The following AHCTF1 variants were observed in gnomAD, a reference collection of about 807,000 sequenced individuals.
AHCTF1 encodes protein ELYS.
In AHCTF1, 24 loss-of-function variants were observed where a neutral mutation model predicts 248.4. That is an observed-to-expected ratio of 0.10 (90% CI 0.07 to 0.14). AHCTF1 has a LOEUF of 0.14. Among genes scored for constraint, AHCTF1 ranks in the 10% least tolerant of loss-of-function variants. AHCTF1 has a pLI of 1.00. For missense variants in AHCTF1, 2,206 were observed against 2,636.2 expected, an observed-to-expected ratio of 0.84 and a Z score of 3.57; for synonymous variants, 786 against 929.8, an observed-to-expected ratio of 0.85 and a Z score of 2.81.
intron 24 of AHCTF1, among the ~76,000 whole-genome samples, chr1:246,872,536 C>T (rs931884611): frequency 2.0e-5 from 3 of 152,176 alleles, no homozygotes; most frequent in African/African-American, 7.2e-5. Context: ...TACAAAGTTA[C>T]TTAGGGGGTG....
At chr1:246,900,532 A>G in intron 8 of AHCTF1, 63 bp from the exon 9 acceptor site, 1 of 1,488,364 alleles carries the variant, frequency 6.7e-7, no homozygotes, top group South Asian at 1.3e-5. Flanking sequence ...TCACCTCAAC[A>G]GAATTATAGC....
chr1:246,898,407 T>G, intron 11 of AHCTF1, 71 bp from the exon 12 acceptor site: 1 of 1,446,246 alleles, frequency 6.9e-7, no homozygotes, highest in Non-Finnish European at 9.4e-7. Flanking sequence ...ATTAATTAAT[T>G]ACACTTAAAA....
Position 246,840,984 on chromosome 1 carries a change from T to C in AHCTF1, c.6623A>G (p.Glu2208Gly), listed in dbSNP as rs760949626. The change falls in exon 36 of 36, where the codon GAA (glutamate) becomes GGA (glycine). Residue 2208 changes from glutamate to glycine, a missense_variant. Glu to Gly is a moderately conservative substitution (Grantham distance 98, BLOSUM62 -2). Transcript: ENST00000648844. The stretch of plus-strand genomic sequence containing the variant: ...TATGGGAGGAGGTGACCAAGCACTT[T>C]CTTTTTCTGTGTTTCTGAAAAAAAA... ...TKQASKNTEK[E>G]SAWSPPPIEI... is the part of the protein sequence containing the mutation. 8.7e-6 allele frequency: 14 copies of C among 1,602,304 alleles called. No individual in the cohort carries two copies. The highest frequency in any genetic ancestry group is 1.2e-5 in the Non-Finnish European group (14 of 1,177,164).
chr1:246,893,921 G>A (rs1664387750), intron 14 of AHCTF1, among the ~76,000 whole-genome samples: 1 of 152,216 alleles, frequency 6.6e-6, no homozygotes, highest in African/African-American at 2.4e-5. Flanking sequence ...AATTACTTTT[G>A]GCTGGATGTA....
intron 4 of AHCTF1, among the ~76,000 whole-genome samples, chr1:246,908,414 G>GT (rs1370797051): frequency 6.6e-6 from 1 of 151,386 alleles, no homozygotes; most frequent in African/African-American, 2.4e-5. Flanking sequence ...GAGTAACTAG[G>GT]TATCACCTGC....
intron 30 of AHCTF1, among the ~76,000 whole-genome samples, chr1:246,856,860 T>C (rs1558217809): frequency 6.6e-6 from 1 of 152,232 alleles, no homozygotes; most frequent in Non-Finnish European, 1.5e-5. Flanking sequence ...TAAGTCCCTT[T>C]CATTATGTAT....
chr1:246,928,290 G>A (rs1487029202), intron 1 of AHCTF1, among the ~76,000 whole-genome samples: 5 of 139,610 alleles, frequency 3.6e-5, no homozygotes, highest in Non-Finnish European at 7.6e-5. Context: ...GCGACAGAGC[G>A]AGACTCCGTC....
intron 11 of AHCTF1, among the ~76,000 whole-genome samples, chr1:246,899,130 C>G (rs989580228): frequency 6.6e-6 from 1 of 151,284 alleles, no homozygotes; most frequent in African/African-American, 2.4e-5. Context: ...TTTTTTTTTC[C>G]TGTGCCAGGC....
Position 246,891,786 on chromosome 1 carries a change from A to C in AHCTF1, c.1938T>G (p.Thr646=), listed in dbSNP as rs780626309. ...ATAAAACAAAGAGCGTACCTCTCTC[A>C]GTGATCTCTCGGGCTTCTGATGCAA... The part of the protein sequence containing the change: ...SCFASEAREI[T]ERGLIDLSNK... Residue 646 remains threonine, a synonymous_variant, in exon 15 of 36, where the codon ACT becomes ACG. Transcript: ENST00000648844. 6.2e-7 allele frequency: 1 copy of C among 1,609,996 alleles called. No individual in the cohort carries two copies. The highest frequency in any genetic ancestry group is 2.2e-5 in the East Asian group (1 of 44,738).
intron 29 of AHCTF1, among the ~76,000 whole-genome samples, chr1:246,859,961 T>C (rs1024357094): frequency 2.0e-5 from 3 of 152,152 alleles, no homozygotes; most frequent in African/African-American, 7.2e-5. Context: ...GGTGGATAAG[T>C]TAAAAATTGC....
intron 33 of AHCTF1, among the ~76,000 whole-genome samples, chr1:246,847,587 A>C (rs1660373660): frequency 6.6e-6 from 1 of 151,916 alleles, no homozygotes; most frequent in African/African-American, 2.4e-5. Context: ...GCAGCCTCAA[A>C]CTCTCAGGCT....
intron 21 of AHCTF1, among the ~76,000 whole-genome samples, chr1:246,880,512 C>T (rs1404851644): frequency 6.8e-6 from 1 of 146,398 alleles, no homozygotes; most frequent in Non-Finnish European, 1.5e-5. Flanking sequence ...TACAGTGAGC[C>T]GAGATCGCGC....
At chr1:246,845,520 T>C (rs894556830) in intron 33 of AHCTF1, among the ~76,000 whole-genome samples, 11 of 152,230 alleles carry the variant, frequency 7.2e-5, no homozygotes, top group African/African-American at 2.7e-4. Flanking sequence ...ACGAAAATTA[T>C]ACATTCTATA....
chr1:246,848,805 A>C (rs2103038471), intron 33 of AHCTF1, among the ~76,000 whole-genome samples: 1 of 152,088 alleles, frequency 6.6e-6, no homozygotes, highest in African/African-American at 2.4e-5. Context: ...AGCCGAGATC[A>C]TGCCATTGTG....
In AHCTF1 at chr1:246,894,745, T is replaced by C. The variant is rs377315376; in HGVS notation, c.1718A>G (p.Gln573Arg). 1.9e-5 allele frequency: 30 copies of C among 1,612,668 alleles called. No individual in the cohort carries two copies. The highest frequency in any genetic ancestry group is 2.5e-5 in the Non-Finnish European group (29 of 1,178,920). ...GYIRRWITEEQPNSATNLRFV... is the reference protein window; with the variant it reads ...GYIRRWITEERPNSATNLRFV... ...GCGCAAATTAGTGGCAGAATTTGGT[T>C]GTTCTTATTTGTAAATACAAAAGGG... Residue 573 changes from glutamine (Q) to arginine (R), a missense_variant, in exon 14 of 36, where the codon CAA becomes CGA. Physicochemically the swap from Gln to Arg is conservative, Grantham distance 43 (BLOSUM62 1). This residue lies in a region of AHCTF1 where 650 missense variants were observed against 870.8 expected (regional missense o/e 0.75). Coordinates refer to ENST00000648844, the MANE Select transcript of AHCTF1 (RefSeq NM_001323342.2).
intron 31 of AHCTF1, among the ~76,000 whole-genome samples, chr1:246,854,720 T>C (rs1471146519): frequency 1.3e-5 from 2 of 152,082 alleles, no homozygotes; most frequent in Non-Finnish European, 2.9e-5. Context: ...TTATTAATAT[T>C]CCCATTTAAA....
chr1:246,910,564 G>A (rs1269557675), intron 4 of AHCTF1, among the ~76,000 whole-genome samples: 2 of 152,266 alleles, frequency 1.3e-5, no homozygotes, highest in Non-Finnish European at 2.9e-5. Flanking sequence ...ACTTGAATTT[G>A]GGTGATGGGT....
At chr1:246,858,879 G>C (rs1322131473) in intron 29 of AHCTF1, among the ~76,000 whole-genome samples, 1 of 151,866 alleles carries the variant, frequency 6.6e-6, no homozygotes, top group Non-Finnish European at 1.5e-5. Flanking sequence ...ATAATGCTAT[G>C]AACATTCTTT....
chr1:246,887,750 C>G (rs1054699379), intron 19 of AHCTF1, among the ~76,000 whole-genome samples: 2 of 152,158 alleles, frequency 1.3e-5, no homozygotes, highest in Non-Finnish European at 2.9e-5. Flanking sequence ...GACTAAGTAA[C>G]TAACATTAGC....
Sources: gnomAD v4.1 joint callset for allele counts (sites outside exome capture counted in the v4.1 genomes callset) on GRCh38, gnomAD v4.1.1 for gene constraint, gnomAD v4.1.1 regional missense constraint, MANE v1.5 for transcripts, NCBI Gene and HGNC (gene_info 2026-07-23, HGNC 2026-07-21) for gene names.